FYB2: variants seen among roughly 807,000 people sequenced by gnomAD.
The protein encoded by FYB2 is FYN binding protein 2.
In FYB2, 103 loss-of-function variants were observed where a neutral mutation model predicts 94.1. The ratio of observed to expected loss-of-function variants is 1.09; its 90% CI spans 0.93 to 1.29. The LOEUF is 1.29. Among genes scored for constraint, FYB2 ranks in the 50% most tolerant of loss-of-function variants. FYB2 has a pLI of 0.00. For missense variants in FYB2, 896 were observed against 841.5 expected (o/e 1.06, Z -0.80); for synonymous variants, 293 against 287.9 (o/e 1.02, Z -0.18).
intron 1 of FYB2, among the ~76,000 whole-genome samples, chr1:56,804,622 C>T (rs12092220): frequency 0.043 from 6,518 of 152,020 alleles, 438 homozygotes; most frequent in African/African-American, 0.14. Context: ...CCCAGCTACT[C>T]GGGAGGCTGA....
At chr1:56,757,964 G>T (rs1179292766) in intron 6 of FYB2, among the ~76,000 whole-genome samples, 2 of 146,900 alleles carry the variant, frequency 1.4e-5, no homozygotes, top group Non-Finnish European at 3.0e-5. Context: ...TTTTTTGTAG[G>T]GACAGTATTT....
chr1:56,751,195 G>A lies in FYB2; in HGVS notation c.1236C>T (p.Ala412=). The A allele has an allele frequency of 6.2e-7, 1 of 1,612,316 alleles. No individual in the cohort carries two copies. Among genetic ancestry groups the A allele is most frequent in the Non-Finnish European group, 8.5e-7 (1 of 1,179,012 alleles). The part of the protein sequence containing the change: ...PYSNHVFKVD[A]CEGTPEKIQM... ...GAATTTTTTCAGGTGTCCCTTCACA[G>A]GCATCTACCTAAACATATGCAAAAG... is the stretch of plus-strand genomic sequence containing the variant. Residue 412 remains alanine, a synonymous_variant, in exon 9 of 20, where the codon GCC becomes GCT. Transcript: ENST00000343433.
chr1:56,812,734 G>C (rs1177025473), intron 1 of FYB2, among the ~76,000 whole-genome samples: 3 of 152,056 alleles, frequency 2.0e-5, no homozygotes, highest in Admixed American at 1.3e-4. Flanking sequence ...CATGCTGAGG[G>C]GCAATAAACA....
At chr1:56,799,368 T>A (rs962028807) in intron 1 of FYB2, among the ~76,000 whole-genome samples, 1 of 152,210 alleles carries the variant, frequency 6.6e-6, no homozygotes, top group African/African-American at 2.4e-5. Flanking sequence ...ACATTTACTT[T>A]AGAGATTATG....
At chr1:56,754,773 A>G (rs1188785596) in intron 7 of FYB2, among the ~76,000 whole-genome samples, 2 of 152,138 alleles carry the variant, frequency 1.3e-5, no homozygotes, top group Non-Finnish European at 2.9e-5. Flanking sequence ...TCAAGGGTAG[A>G]AAATATATTC....
chr1:56,792,240 G>T lies in FYB2; in HGVS notation c.573C>A (p.Ala191=). 1.2e-6 allele frequency: 2 copies of T among 1,612,564 alleles called. No individual in the cohort carries two copies. Among genetic ancestry groups the T allele is most frequent in the Non-Finnish European group, 1.7e-6 (2 of 1,179,628 alleles). Residue 191 remains alanine (A), a synonymous_variant, in exon 2 of 20, where the codon GCC becomes GCA. Transcript: ENST00000343433. ...EPRKKLETKG[A]QTLPSQKHVV... ...CGTGCTTCTGGGAAGGAAGAGTCTG[G>T]GCTCCTTTTGTTTCCAGCTTTTTCC...
At chr1:56,802,243 C>G (rs12723139) in intron 1 of FYB2, among the ~76,000 whole-genome samples, 33,163 of 152,102 alleles carry the variant, frequency 0.22, 3,874 homozygotes, top group East Asian at 0.33. Flanking sequence ...ACTGGTCTGC[C>G]TCTCCCACTA....
intron 9 of FYB2, 52 bp from the exon 10 acceptor site, chr1:56,744,318 A>T (rs772413652): frequency 6.7e-6 from 9 of 1,343,608 alleles, no homozygotes; most frequent in Middle Eastern, 1.8e-4. Flanking sequence ...GCCATCATAA[A>T]GTCATTCACA....
chr1:56,780,961 C>T (rs780903023), intron 4 of FYB2, among the ~76,000 whole-genome samples: 44 of 152,116 alleles, frequency 2.9e-4, no homozygotes, highest in African/African-American at 5.8e-4. Context: ...TTTCCTGTAG[C>T]GATTCAATTT....
At position 56,719,607 on chromosome 1, in the gene FYB2, G is replaced by A. The variant is rs1171578578; in HGVS notation, c.*64C>T. The A allele has an allele frequency of 8.5e-6, 12 of 1,404,282 alleles. No homozygotes were observed. Among genetic ancestry groups the A allele is most frequent in the South Asian group, 2.7e-5 (2 of 73,712 alleles). The allele number at this position is 1,404,282 out of a possible 1,614,324, so 87.0% of individuals were successfully genotyped here. Reference sequence around the variant, plus strand: ...ACATGTAAACTGAAACTGATGTAACGCAGGACTAGGATCTTAGGACTAGTT... The same window carrying A: ...ACATGTAAACTGAAACTGATGTAACACAGGACTAGGATCTTAGGACTAGTT... On this transcript the variant is annotated 3_prime_UTR_variant, in exon 20 of 20. Coordinates refer to ENST00000343433, the MANE Select transcript of FYB2 (RefSeq NM_001004303.5).
chr1:56,820,213 T>C, upstream of FYB2, among the ~76,000 whole-genome samples: 1 of 131,050 alleles, frequency 7.6e-6, no homozygotes, highest in Admixed American at 8.1e-5. Flanking sequence ...GGGGACAGAG[T>C]GAGACTCCGT....
At chr1:56,774,483 C>A (rs1192235051) in intron 4 of FYB2, among the ~76,000 whole-genome samples, 2 of 152,114 alleles carry the variant, frequency 1.3e-5, no homozygotes, top group Non-Finnish European at 2.9e-5. Context: ...CCACCTTCAC[C>A]ACTAGTTCTC....
At chr1:56,764,505 T>C (rs1294491267) in intron 5 of FYB2, among the ~76,000 whole-genome samples, 1 of 152,152 alleles carries the variant, frequency 6.6e-6, no homozygotes, top group African/African-American at 2.4e-5. Flanking sequence ...ATTCTGCTGT[T>C]GAGCACATCC....
At chr1:56,811,672 A>G (rs1376964094) in intron 1 of FYB2, among the ~76,000 whole-genome samples, 1 of 152,216 alleles carries the variant, frequency 6.6e-6, no homozygotes, top group African/African-American at 2.4e-5. Flanking sequence ...GGCAAAGACC[A>G]AAGTCACCCA....
intron 1 of FYB2, among the ~76,000 whole-genome samples, chr1:56,803,315 AT>A (rs1646564449): frequency 6.6e-6 from 1 of 152,190 alleles, no homozygotes; most frequent in South Asian, 2.1e-4. Context: ...GAAACCAAAA[AT>A]GTTATGAAAA....
rs777254053 is a variant in FYB2 at position 56,726,492 on chromosome 1, C to T, written c.1880+5G>A. 2 of 1,610,416 alleles carry T rather than the reference C, an allele frequency of 1.2e-6. No homozygotes were observed. Among genetic ancestry groups the T allele is most frequent in the Non-Finnish European group, 1.7e-6 (2 of 1,178,182 alleles). On this transcript the variant is annotated splice_donor_5th_base_variant and intron_variant, in intron 16 of 19. Coordinates refer to ENST00000343433, the MANE Select transcript of FYB2 (RefSeq NM_001004303.5). Reference sequence around the variant, plus strand: ...GCTATAATAGAAGTGCCTCTGTGTTCCCACCTTTCTGATTCTTCAGCACCG... The same window carrying T: ...GCTATAATAGAAGTGCCTCTGTGTTTCCACCTTTCTGATTCTTCAGCACCG...
intron 17 of FYB2, 57 bp downstream of exon 17, chr1:56,723,531 A>T (rs1051464307): frequency 8.2e-5 from 83 of 1,011,356 alleles, no homozygotes; most frequent in Non-Finnish European, 1.2e-4. Flanking sequence ...TTTTTTTTTT[A>T]AATGAAAGCT....
chr1:56,744,626 G>A (rs1375511530), intron 9 of FYB2, among the ~76,000 whole-genome samples: 1 of 151,844 alleles, frequency 6.6e-6, no homozygotes, highest in Non-Finnish European at 1.5e-5. Flanking sequence ...ACATCCCTGG[G>A]GCTTATCTCT....
chr1:56,729,506 G>A (rs1644657253), intron 15 of FYB2, among the ~76,000 whole-genome samples: 1 of 152,084 alleles, frequency 6.6e-6, no homozygotes, highest in South Asian at 2.1e-4. Flanking sequence ...CAACACTGGA[G>A]CACCCAGATA....
Sources: allele counts gnomAD v4.1 joint callset (sites outside exome capture counted in the v4.1 genomes callset), GRCh38; gene constraint gnomAD v4.1.1; transcripts MANE v1.5; gene names NCBI Gene and HGNC (gene_info 2026-07-23, HGNC 2026-07-21).